DOCK5: variants seen among roughly 807,000 people sequenced by gnomAD.
DOCK5 encodes dedicator of cytokinesis 5.
In DOCK5, 142 loss-of-function variants were observed where a neutral mutation model predicts 251.8. That is an observed-to-expected ratio of 0.56 (90% confidence interval 0.49 to 0.65). The LOEUF (loss-of-function observed/expected upper bound fraction) is 0.65. DOCK5 is among the 30% of genes least tolerant of loss of function. The pLI, the probability that DOCK5 is intolerant of heterozygous loss-of-function variation, is 0.00. For missense variants in DOCK5, 2,111 were observed against 2,312.3 expected (o/e 0.91, Z 1.79); for synonymous variants, 842 against 835.5 (o/e 1.01, Z -0.13).
At chr8:25,394,840 CA>C in intron 44 of DOCK5, among the ~76,000 whole-genome samples, 1 of 151,566 alleles carries the variant, frequency 6.6e-6, no homozygotes, top group South Asian at 2.1e-4. Context: ...ACCACTATTC[CA>C]AAAAATTGTG....
chr8:25,376,313 C>T (rs1800962958), intron 37 of DOCK5: 1 of 985,178 alleles, frequency 1.0e-6, no homozygotes, highest in Non-Finnish European at 1.2e-6. Context: ...GATTGCTATT[C>T]AATAGAGATG....
chr8:25,292,307 T>C, intron 6 of DOCK5, 135 bp downstream of exon 6: 1 of 1,078,650 alleles, frequency 9.3e-7, no homozygotes, highest in Non-Finnish European at 1.3e-6. Context: ...ATTTTGTCTT[T>C]GAAGACATTT....
At chr8:25,262,114 G>A (rs906529117) in intron 2 of DOCK5, among the ~76,000 whole-genome samples, 1 of 152,144 alleles carries the variant, frequency 6.6e-6, no homozygotes. Flanking sequence ...ACTGGAGTGA[G>A]GATGTGGCCA....
chr8:25,340,766 C>A (rs1031258961), intron 22 of DOCK5, 111 bp from the exon 23 acceptor site: 2 of 854,148 alleles, frequency 2.3e-6, no homozygotes, highest in Non-Finnish European at 3.7e-6. Flanking sequence ...TTAGGTGAGT[C>A]AGAATGATTA....
At position 25,368,559 on chromosome 8, in the gene DOCK5, CTTTCA is replaced by C. The variant is rs747360271; in HGVS notation, c.3284-6_3284-2del. The C allele has an allele frequency of 6.3e-7, 1 of 1,581,982 alleles. No individual in the cohort carries two copies. Among genetic ancestry groups the C allele is most frequent in the South Asian group, 1.2e-5 (1 of 85,758 alleles). On this transcript the variant is annotated splice_polypyrimidine_tract_variant and splice_region_variant and intron_variant, in intron 32 of 51. Transcript: ENST00000276440. The stretch of plus-strand genomic sequence containing the variant: ...AATAATTTTTTAATATCTTCATTCA[CTTTCA>C]TTTCAGGTCCCCACAAAATCAAATT...
chr8:25,342,479 A>G lies in DOCK5; in HGVS notation c.2589A>G (p.Ile863Met). 4 of 1,595,782 alleles carry G rather than the reference A, an allele frequency of 2.5e-6. No individual in the cohort carries two copies. Among genetic ancestry groups the G allele is most frequent in the Non-Finnish European group, 2.6e-6 (3 of 1,169,720 alleles). ...VRQKLNCMTKIVESTLFRQSE... is the reference protein window; with the variant it reads ...VRQKLNCMTKMVESTLFRQSE... ...AGAAACTTAACTGCATGACCAAGAT[A>G]GTAGAGAGCACTCTTTTTCGACAGT... The change falls in exon 25 of 52, where the codon ATA (isoleucine) becomes ATG (methionine). Residue 863 changes from isoleucine (I) to methionine (M), a missense_variant. Physicochemically the swap from Ile to Met is conservative, Grantham distance 10 (BLOSUM62 1). Around this residue, in one of 3 missense-constraint regions of DOCK5, gnomAD observed 1,717 missense variants for 1,892.4 expected, o/e 0.91. Coordinates refer to ENST00000276440, the MANE Select transcript of DOCK5 (RefSeq NM_024940.8).
chr8:25,340,757 T>G (rs1805933070), intron 22 of DOCK5, 120 bp from the exon 23 acceptor site: 2 of 788,282 alleles, frequency 2.5e-6, no homozygotes, highest in Non-Finnish European at 4.0e-6. Context: ...GGGGCTTAAT[T>G]AGGTGAGTCA....
chr8:25,232,365 T>G (rs1377474761), intron 1 of DOCK5, among the ~76,000 whole-genome samples: 1 of 152,248 alleles, frequency 6.6e-6, no homozygotes, highest in Non-Finnish European at 1.5e-5. Flanking sequence ...AGCTTTGTTA[T>G]GCAGGACCAA....
chr8:25,384,680 G>C (rs1024870548), intron 40 of DOCK5, among the ~76,000 whole-genome samples: 1 of 151,696 alleles, frequency 6.6e-6, no homozygotes, highest in African/African-American at 2.4e-5. Context: ...GGCTGATCTC[G>C]AACTCCTGAC....
At chr8:25,345,685 G>T in intron 26 of DOCK5, 74 bp downstream of exon 26, 1 of 1,568,036 alleles carries the variant, frequency 6.4e-7, no homozygotes. Context: ...TGACTCCGTG[G>T]CCTTCCTATT....
In DOCK5 at chr8:25,310,668, A is replaced by G. The variant is rs971442556; in HGVS notation, c.1318+136A>G. The G allele has an allele frequency of 3.0e-6, 3 of 986,294 alleles. No homozygotes were observed. In the African/African-American group the frequency reaches 4.9e-5, roughly 16 times the overall value. 61.1% of individuals were successfully genotyped at this position (986,294 alleles called of 1,614,324 possible). A position where few individuals can be genotyped will look rare whatever the true frequency, so the allele number is the denominator to read the frequency against. On this transcript the variant is annotated intron_variant, in intron 13 of 51. Transcript: ENST00000276440. ...GTCCTGAGACACCTGGGACACAAAC[A>G]GAGACACCTGCAATACTTAAACACT...
intron 13 of DOCK5, 129 bp downstream of exon 13, chr8:25,310,661 CACAA>C (rs1178657391): frequency 9.1e-7 from 1 of 1,095,282 alleles, no homozygotes; most frequent in Non-Finnish European, 1.2e-6. Flanking sequence ...ACACCTGGGA[CACAA>C]ACAGAGACAC....
At chr8:25,296,982 G>A (rs1481184214) in intron 7 of DOCK5, among the ~76,000 whole-genome samples, 1 of 152,126 alleles carries the variant, frequency 6.6e-6, no homozygotes, top group African/African-American at 2.4e-5. Flanking sequence ...ATTATTAATG[G>A]ATGCATCTGG....
At chr8:25,287,990 A>T (rs1804384690) in intron 5 of DOCK5, among the ~76,000 whole-genome samples, 1 of 151,498 alleles carries the variant, frequency 6.6e-6, no homozygotes, top group African/African-American at 2.4e-5. Context: ...GGTTCAAGCA[A>T]TTCTCCTGCC....
intron 50 of DOCK5, 117 bp from the exon 51 acceptor site, chr8:25,409,982 G>T: frequency 2.6e-6 from 2 of 762,630 alleles, no homozygotes; most frequent in Non-Finnish European, 4.4e-6. Flanking sequence ...ACCATAGAAT[G>T]TGGCTTTCAT....
Position 25,403,544 on chromosome 8 carries a change from T to A in DOCK5, c.4927-14T>A. ...TTCCAGGTCCGCTAACCATGTGGAG[T>A]CATATGTTTTCAGCCACCCAACTTG... On this transcript the variant is annotated splice_polypyrimidine_tract_variant and intron_variant, in intron 47 of 51. Coordinates refer to ENST00000276440, the MANE Select transcript of DOCK5 (RefSeq NM_024940.8). 6.2e-7 allele frequency: 1 copy of A among 1,612,546 alleles called. No individual in the cohort carries two copies. The highest frequency in any genetic ancestry group is 8.5e-7 in the Non-Finnish European group (1 of 1,179,288).
rs1229046941 is a variant in DOCK5, at chr8:25,367,025, T to C, written c.3224+55T>C. On this transcript the variant is annotated intron_variant, in intron 31 of 51. Transcript: ENST00000276440. ...AAGGGGCTTCTTCCATTTGTTTACA[T>C]TGAGAGCAATATTTTAGGTATCACA... is the stretch of plus-strand genomic sequence containing the variant. 1.9e-5 allele frequency: 28 copies of C among 1,452,016 alleles called. No homozygotes were observed. In the Admixed American group the frequency reaches 4.8e-4, roughly 25 times the overall value. 89.9% of individuals were successfully genotyped at this position (1,452,016 alleles called of 1,614,324 possible).
intron 7 of DOCK5, 95 bp from the exon 8 acceptor site, chr8:25,298,849 G>A: frequency 2.2e-6 from 3 of 1,357,454 alleles, no homozygotes; most frequent in East Asian, 2.6e-5. Context: ...GGCTTTGTCT[G>A]CCATTTGCAG....
Position 25,377,319 on chromosome 8 carries a change from C to T in DOCK5, c.3831C>T (p.Pro1277=). 6.2e-7 allele frequency: 1 copy of T among 1,613,096 alleles called. No homozygotes were observed. Among genetic ancestry groups the T allele is most frequent in the Non-Finnish European group, 8.5e-7 (1 of 1,179,352 alleles). Residue 1277 remains proline (P), a synonymous_variant, in exon 38 of 52, where the codon CCC becomes CCT. Transcript: ENST00000276440. ...HAELLQWSDK[P]CVPHLLQKDS... ...TTCCTTTTCAGTGGTCTGACAAGCC[C>T]TGTGTGCCTCATTTGCTTCAGAAGG...
Sources: gnomAD v4.1 joint callset for allele counts (sites outside exome capture counted in the v4.1 genomes callset) on GRCh38, gnomAD v4.1.1 for gene constraint, gnomAD v4.1.1 regional missense constraint, MANE v1.5 for transcripts, NCBI Gene and HGNC (gene_info 2026-07-23, HGNC 2026-07-21) for gene names.